Variants in GNG7 observed in about 807,000 individuals in gnomAD.
The protein encoded by GNG7 is G protein subunit gamma 7.
Under a neutral mutation model 4.0 loss-of-function variants are expected in GNG7, and 1 was observed. That is an observed-to-expected ratio of 0.25 (90% CI 0.09 to 1.18). The LOEUF is 1.18. GNG7 is among the 50% of genes most tolerant of loss of function. The pLI, the probability that GNG7 is intolerant of heterozygous loss-of-function variation, is 0.50. For synonymous variants in GNG7, 34 were observed against 36.9 expected, an observed-to-expected ratio of 0.92 and a Z score of 0.29; for missense variants, 86 against 91.9, an observed-to-expected ratio of 0.94 and a Z score of 0.26.
intron 3 of GNG7, among the ~76,000 whole-genome samples, chr19:2,539,659 A>T (rs1453954561): frequency 6.6e-6 from 1 of 152,006 alleles, no homozygotes; most frequent in African/African-American, 2.4e-5. Flanking sequence ...CACACACCTG[A>T]CACGGTCCCA....
intron 1 of GNG7, among the ~76,000 whole-genome samples, chr19:2,663,293 C>G (rs908602148): frequency 1.3e-5 from 2 of 151,986 alleles, no homozygotes; most frequent in Admixed American, 6.6e-5. Flanking sequence ...AAGGCCCTAC[C>G]CTCATTAATG....
chr19:2,546,350 G>A lies in GNG7; in HGVS notation c.-38+8799C>T, dbSNP rs1979126288. On this transcript the variant is annotated intron_variant, in intron 3 of 4. Transcript: ENST00000382159. The surrounding 1 kb of genome is among the most constrained non-coding windows in gnomAD (Gnocchi z 6.3). ...CAGGTCGCCCAGCAGGGCCTGGGAG[G>A]GCGGCTGTGTGTGGGGCCTTCCGTG... is the stretch of plus-strand genomic sequence containing the variant. Among the ~76,000 whole-genome samples, 1 of 152,244 alleles carries A rather than the reference G, an allele frequency of 6.6e-6. No individual in the cohort carries two copies. Among genetic ancestry groups the A allele is most frequent in the Non-Finnish European group, 1.5e-5 (1 of 68,040 alleles).
chr19:2,604,117 T>G (rs1981301155), intron 2 of GNG7, among the ~76,000 whole-genome samples: 1 of 151,948 alleles, frequency 6.6e-6, no homozygotes, highest in South Asian at 2.1e-4. Context: ...CCCAAAGTGC[T>G]AGGATTACAG....
intron 2 of GNG7, among the ~76,000 whole-genome samples, chr19:2,604,662 A>G (rs1191632505): frequency 7.5e-6 from 1 of 133,196 alleles, no homozygotes; most frequent in Non-Finnish European, 1.6e-5. Context: ...AAAAAGAATG[A>G]ATGGAAGGAA....
chr19:2,686,162 T>C (rs1983865157), intron 1 of GNG7, among the ~76,000 whole-genome samples: 1 of 99,260 alleles, frequency 1.0e-5, no homozygotes, highest in East Asian at 1.1e-3. Flanking sequence ...GTCTCAGCAT[T>C]TTTTTTTTTT....
intron 2 of GNG7, among the ~76,000 whole-genome samples, chr19:2,607,217 T>C (rs1436591615): frequency 2.4e-5 from 1 of 42,266 alleles, no homozygotes; most frequent in African/African-American, 5.5e-5. Flanking sequence ...CAAGACCCTG[T>C]GTCAAAAAAA....
intron 1 of GNG7, among the ~76,000 whole-genome samples, chr19:2,687,160 C>A (rs1369918411): frequency 6.6e-6 from 1 of 151,928 alleles, no homozygotes; most frequent in Non-Finnish European, 1.5e-5. Context: ...TGGGCTCAAG[C>A]GACCCTCCTG....
intron 2 of GNG7, among the ~76,000 whole-genome samples, chr19:2,566,244 T>C (rs945213898): frequency 2.0e-5 from 3 of 152,028 alleles, no homozygotes; most frequent in Admixed American, 1.3e-4. Context: ...GCTGTATAGA[T>C]AGGAGATTGG....
rs367548731 is a variant in GNG7, at chr19:2,618,452, G to A, written c.-78+27772C>T. 3.3e-5 allele frequency among the ~76,000 whole-genome samples: 5 copies of A among 151,790 alleles called. No individual in the cohort carries two copies. Among genetic ancestry groups the A allele is most frequent in the Non-Finnish European group, 7.4e-5 (5 of 67,986 alleles). ...CAACCTGCACCTCCCCTGTTCAAGC[G>A]ATTCTCCTGCCTCAGCCTCCCAAGT... is the stretch of plus-strand genomic sequence containing the variant. On this transcript the variant is annotated intron_variant, in intron 2 of 4. Coordinates refer to ENST00000382159, the MANE Select transcript of GNG7 (RefSeq NM_052847.3). This position sits in a 1 kb window ranked among gnomAD's most constrained non-coding sequence, Gnocchi z 5.1.
intron 1 of GNG7, among the ~76,000 whole-genome samples, chr19:2,697,350 G>A (rs554843557): frequency 8.5e-4 from 129 of 152,268 alleles, no homozygotes; most frequent in African/African-American, 2.9e-3. Context: ...GCCGATGTGG[G>A]GGAGCAACCA....
intron 1 of GNG7, among the ~76,000 whole-genome samples, chr19:2,654,893 C>T (rs1184440556): frequency 6.6e-6 from 1 of 151,320 alleles, no homozygotes; most frequent in Non-Finnish European, 1.5e-5. Context: ...GCCAGGGGCA[C>T]CCCCGAGTTG....
At chr19:2,548,727 C>G (rs111462887) in intron 3 of GNG7, among the ~76,000 whole-genome samples, 8,731 of 125,756 alleles carry the variant, frequency 0.069, no homozygotes, top group South Asian at 0.081. Flanking sequence ...TGGCGGAGGT[C>G]GCAGTGAGCC....
intron 1 of GNG7, among the ~76,000 whole-genome samples, chr19:2,699,414 G>A (rs1913347161): frequency 6.6e-6 from 1 of 152,208 alleles, no homozygotes; most frequent in African/African-American, 2.4e-5. Context: ...CTCCCAAAGT[G>A]CTGAGATTAC....
chr19:2,596,778 G>A (rs1204291866), intron 2 of GNG7, among the ~76,000 whole-genome samples: 1 of 152,070 alleles, frequency 6.6e-6, no homozygotes, highest in Non-Finnish European at 1.5e-5. Flanking sequence ...GTTAATTCTG[G>A]GGAGTGAGAT....
rs1398790923 is a variant in GNG7 at position 2,584,708 on chromosome 19, GAAGT to G, written c.-77-29524_-77-29521del. Among the ~76,000 whole-genome samples, 9 of 73,582 alleles carry G rather than the reference GAAGT, an allele frequency of 1.2e-4. No homozygotes were observed. In the East Asian group the frequency reaches 3.3e-3, roughly 27 times the overall value. 48.3% of individuals were successfully genotyped at this position (73,582 alleles called of 152,430 possible). ...GGAGGGAGGGATAGAGGGAGGGAGG[GAAGT>G]AAGGAAGGAAGGAAAGAAGGAAGGA... On this transcript the variant is annotated intron_variant, in intron 2 of 4. Coordinates refer to ENST00000382159, the MANE Select transcript of GNG7 (RefSeq NM_052847.3).
Position 2,513,655 on chromosome 19 carries a change from A to C in GNG7, c.*1367T>G. On this transcript the variant is annotated 3_prime_UTR_variant, in exon 5 of 5. Transcript: ENST00000382159. ...AAAGCAAAAAGATCGGGTTCGAGCG[A>C]CAGGGTAACGTTTTGAGCGGACGTT... is the stretch of plus-strand genomic sequence containing the variant. The C allele has an allele frequency of 1.2e-6, 1 of 805,906 alleles. No individual in the cohort carries two copies. The allele number at this position is 805,906 out of a possible 1,614,324, so 49.9% of individuals were successfully genotyped here. A position where few individuals can be genotyped will look rare whatever the true frequency, so the allele number is the denominator to read the frequency against.
At chr19:2,519,614 G>T (rs866312326) in intron 4 of GNG7, among the ~76,000 whole-genome samples, 1,072 of 38,520 alleles carry the variant, frequency 0.028, 15 homozygotes, top group African/African-American at 0.085. Context: ...TTTTTTTTTT[G>T]ATGTGATTCA....
At chr19:2,568,364 TACAC>T (rs1295595503) in intron 2 of GNG7, among the ~76,000 whole-genome samples, 8 of 149,216 alleles carry the variant, frequency 5.4e-5, no homozygotes, top group African/African-American at 7.5e-5. Context: ...CACGTGCACA[TACAC>T]ACATATAGAC....
At chr19:2,598,009 G>A (rs996152143) in intron 2 of GNG7, among the ~76,000 whole-genome samples, 1 of 152,096 alleles carries the variant, frequency 6.6e-6, no homozygotes, top group Admixed American at 6.6e-5. Context: ...TGCATGTGTA[G>A]GAAAAGTCTA....
Sources: allele counts gnomAD v4.1 joint callset (sites outside exome capture counted in the v4.1 genomes callset), GRCh38; gene constraint gnomAD v4.1.1; non-coding constraint Gnocchi (gnomAD v3.1); transcripts MANE v1.5; gene names NCBI Gene and HGNC (gene_info 2026-07-23, HGNC 2026-07-21).